EPHA6: variants seen among roughly 807,000 people sequenced by gnomAD.
The protein encoded by EPHA6 is EPH receptor A6.
EPHA6 carries 50 observed loss-of-function variants against 112.0 expected under a neutral mutation model. The observed-to-expected ratio is 0.45, with a 90% confidence interval of 0.36 to 0.56. EPHA6 has a LOEUF of 0.56. EPHA6 is among the 20% of genes least tolerant of loss of function. The pLI, the probability that EPHA6 is intolerant of heterozygous loss-of-function variation, is 0.00. For missense variants in EPHA6, 1,280 were observed against 1,417.4 expected (o/e 0.90, Z 1.56); for synonymous variants, 529 against 490.7 (o/e 1.08, Z -1.03).
chr3:97,398,287 C>T (rs1229312343), intron 5 of EPHA6, among the ~76,000 whole-genome samples: 2 of 151,316 alleles, frequency 1.3e-5, no homozygotes, highest in Non-Finnish European at 3.0e-5. Flanking sequence ...ATGACATTTT[C>T]AAAAATTGTA....
At chr3:96,924,829 G>T (rs949819357) in intron 2 of EPHA6, among the ~76,000 whole-genome samples, 4 of 152,254 alleles carry the variant, frequency 2.6e-5, no homozygotes, top group Non-Finnish European at 5.9e-5. Flanking sequence ...AGTTTATTGA[G>T]AGATTTTAAC....
At chr3:97,205,758 T>A (rs1461822846) in intron 3 of EPHA6, among the ~76,000 whole-genome samples, 1 of 152,106 alleles carries the variant, frequency 6.6e-6, no homozygotes, top group Non-Finnish European at 1.5e-5. Context: ...CAGAGTTTCT[T>A]TCTTAGCAAT....
chr3:97,527,218 G>A (rs887618656), intron 10 of EPHA6, among the ~76,000 whole-genome samples: 1 of 152,118 alleles, frequency 6.6e-6, no homozygotes, highest in Non-Finnish European at 1.5e-5. Flanking sequence ...AAACGGAGCT[G>A]TAACTAAACC....
chr3:96,870,210 A>G (rs925238974), intron 2 of EPHA6, among the ~76,000 whole-genome samples: 2 of 152,052 alleles, frequency 1.3e-5, no homozygotes, highest in African/African-American at 4.8e-5. Flanking sequence ...TATGGAGGAC[A>G]TGAAATCCCA....
intron 3 of EPHA6, among the ~76,000 whole-genome samples, chr3:97,095,510 A>G (rs957878304): frequency 6.6e-6 from 1 of 152,000 alleles, no homozygotes; most frequent in African/African-American, 2.4e-5. Flanking sequence ...TTCCTTTTCA[A>G]AATTATGTGG....
At chr3:97,115,619 T>C (rs1035119763) in intron 3 of EPHA6, among the ~76,000 whole-genome samples, 6 of 151,760 alleles carry the variant, frequency 4.0e-5, no homozygotes, top group Non-Finnish European at 8.9e-5. Flanking sequence ...TGGATGAGAA[T>C]GCCCAGAGCA....
At chr3:97,556,600 C>T (rs925064873) in intron 11 of EPHA6, among the ~76,000 whole-genome samples, 4 of 151,988 alleles carry the variant, frequency 2.6e-5, no homozygotes, top group Admixed American at 2.6e-4. Context: ...ATTCAATTAC[C>T]TCCACCAGGT....
intron 3 of EPHA6, among the ~76,000 whole-genome samples, chr3:97,163,069 T>A (rs2076454406): frequency 6.6e-6 from 1 of 152,144 alleles, no homozygotes. Flanking sequence ...CACTGTAAGG[T>A]CTGGCTTACA....
intron 5 of EPHA6, among the ~76,000 whole-genome samples, chr3:97,251,115 C>T (rs924245596): frequency 2.0e-4 from 31 of 152,170 alleles, no homozygotes; most frequent in Admixed American, 5.9e-4. Flanking sequence ...TTCCACCCAC[C>T]TTGGCCTCCC....
At chr3:97,575,548 A>C (rs2107251559) in intron 11 of EPHA6, among the ~76,000 whole-genome samples, 1 of 152,324 alleles carries the variant, frequency 6.6e-6, no homozygotes, top group South Asian at 2.1e-4. Flanking sequence ...ACACATCAAA[A>C]TGATGACAGC....
chr3:96,849,097 T>C (rs2035243105), intron 1 of EPHA6, among the ~76,000 whole-genome samples: 1 of 152,162 alleles, frequency 6.6e-6, no homozygotes, highest in South Asian at 2.1e-4. Flanking sequence ...ACATGAAGTT[T>C]AGCTTCCAAG....
chr3:96,865,024 C>T (rs1296319905), intron 1 of EPHA6, among the ~76,000 whole-genome samples: 3 of 151,846 alleles, frequency 2.0e-5, no homozygotes, highest in Non-Finnish European at 2.9e-5. Context: ...ATACAAGAAA[C>T]AAGATTGGAC....
At chr3:97,641,639 G>T (rs1196854424) in intron 14 of EPHA6, among the ~76,000 whole-genome samples, 1 of 152,248 alleles carries the variant, frequency 6.6e-6, no homozygotes, top group Non-Finnish European at 1.5e-5. Context: ...GGAAGCGCAA[G>T]GGGTCGGAGT....
At chr3:96,882,501 A>G (rs902520583) in intron 2 of EPHA6, among the ~76,000 whole-genome samples, 2 of 151,474 alleles carry the variant, frequency 1.3e-5, no homozygotes, top group African/African-American at 4.9e-5. Flanking sequence ...TCCCTTTCCC[A>G]CCTCTCACCA....
chr3:96,837,506 C>A (rs563285102), intron 1 of EPHA6, among the ~76,000 whole-genome samples: 2 of 152,022 alleles, frequency 1.3e-5, no homozygotes, highest in Non-Finnish European at 2.9e-5. Context: ...GAAAGTGCAA[C>A]TAATTTGGTA....
chr3:96,962,230 G>A (rs1206081527), intron 2 of EPHA6, among the ~76,000 whole-genome samples: 2 of 152,080 alleles, frequency 1.3e-5, no homozygotes, highest in African/African-American at 2.4e-5. Context: ...AGCTTTGATG[G>A]CATCTCCCAC....
intron 5 of EPHA6, among the ~76,000 whole-genome samples, chr3:97,313,428 A>T (rs1400479563): frequency 1.3e-5 from 2 of 151,420 alleles, no homozygotes; most frequent in Non-Finnish European, 3.0e-5. Context: ...TGTTGGGGTA[A>T]TTCTACTTTT....
intron 14 of EPHA6, among the ~76,000 whole-genome samples, chr3:97,659,068 C>T (rs986075081): frequency 1.3e-5 from 2 of 151,840 alleles, no homozygotes; most frequent in African/African-American, 4.8e-5. Context: ...ACTATTTACC[C>T]AGAGAGGAAG....
chr3:97,103,787 C>T (rs1011393475), intron 3 of EPHA6, among the ~76,000 whole-genome samples: 3 of 151,884 alleles, frequency 2.0e-5, no homozygotes, highest in African/African-American at 2.4e-5. Flanking sequence ...GATCATGGAA[C>T]GTTTTCCATT....
Sources: allele counts gnomAD v4.1 joint callset (sites outside exome capture counted in the v4.1 genomes callset), GRCh38; gene constraint gnomAD v4.1.1; transcripts MANE v1.5; gene names NCBI Gene and HGNC (gene_info 2026-07-23, HGNC 2026-07-21).